Variants in GTPBP1 observed in about 807,000 individuals in gnomAD.
The protein encoded by GTPBP1 is GTP binding protein 1.
Under a neutral mutation model 62.0 loss-of-function variants are expected in GTPBP1, and 23 were observed. That is an observed-to-expected ratio of 0.37 (90% CI 0.27 to 0.53). GTPBP1 has a LOEUF of 0.53. Among genes scored for constraint, GTPBP1 ranks in the 20% least tolerant of loss-of-function variants. The pLI is 0.89. For synonymous variants in GTPBP1, 344 were observed against 364.4 expected (o/e 0.94, Z 0.64); for missense variants, 640 against 917.3 (o/e 0.70, Z 3.90).
At chr22:38,728,417 T>A in intron 10 of GTPBP1, 1 of 475,660 alleles carries the variant, frequency 2.1e-6, no homozygotes, top group Non-Finnish European at 3.9e-6. Flanking sequence ...TGACAGAATG[T>A]CTGGGCCCAG....
downstream of GTPBP1, among the ~76,000 whole-genome samples, chr22:38,737,391 C>T (rs189689030): frequency 2.6e-3 from 403 of 152,264 alleles, 2 homozygotes; most frequent in African/African-American, 9.4e-3. The surrounding 1 kb of genome is among the most constrained non-coding windows in gnomAD (Gnocchi z 4.1). Flanking sequence ...TCACTCCCAA[C>T]GCCCCTCTCC....
chr22:38,742,543 C>G (rs1164716396), downstream of GTPBP1: 1 of 1,611,302 alleles, frequency 6.2e-7, no homozygotes, highest in Admixed American at 1.7e-5. Flanking sequence ...CGGGACATAA[C>G]ACGCTGCTCA....
At chr22:38,738,239 C>T, downstream of GTPBP1, 3 of 1,613,932 alleles carry the variant, frequency 1.9e-6, no homozygotes, top group Admixed American at 1.7e-5. This position sits in a 1 kb window ranked among gnomAD's most constrained non-coding sequence, Gnocchi z 6.6. Context: ...GGAGTGTCCC[C>T]TCCTGCTGCA....
At chr22:38,737,887 GCCTT>G (rs1270065618), downstream of GTPBP1, 1 of 627,628 alleles carries the variant, frequency 1.6e-6, no homozygotes. This position sits in a 1 kb window ranked among gnomAD's most constrained non-coding sequence, Gnocchi z 4.1. Flanking sequence ...GCCTCTCCCG[GCCTT>G]CCTTTCCTGG....
Position 38,726,486 on chromosome 22 carries a change from T to C in GTPBP1, c.1401+46T>C, listed in dbSNP as rs375854489. On this transcript the variant is annotated intron_variant, in intron 8 of 11. Transcript: ENST00000216044. The surrounding 1 kb of genome is among the most constrained non-coding windows in gnomAD (Gnocchi z 4.1). ...ACGCTCCCCTCAGACTCCATCATGC[T>C]AGGCTCTTGGCCAGATGCCCTGCTC... The C allele has an allele frequency of 1.8e-5, 28 of 1,539,326 alleles. 1 individual carries two copies. In the African/African-American group the frequency reaches 3.4e-4, roughly 19 times the overall value.
At chr22:38,738,716 C>A (rs769348599), downstream of GTPBP1, 2 of 1,613,610 alleles carry the variant, frequency 1.2e-6, no homozygotes, top group Non-Finnish European at 8.5e-7. The surrounding 1 kb of genome is among the most constrained non-coding windows in gnomAD (Gnocchi z 6.6). Context: ...AGCCTTGTGG[C>A]CCCTGGAAGG....
Position 38,716,674 on chromosome 22 carries a change from G to A in GTPBP1, c.508G>A (p.Asp170Asn). ...EVRVAVVGNVDAGKSTLLGVL... is the reference protein window; with the variant it reads ...EVRVAVVGNVNAGKSTLLGVL... ...CAGGGTAGCAGTGGTGGGCAACGTGGATGCTGGCAAAAGCACGCTTCTGGG... is the reference window on the plus strand; with the variant it reads ...CAGGGTAGCAGTGGTGGGCAACGTGAATGCTGGCAAAAGCACGCTTCTGGG... Residue 170 changes from aspartate to asparagine, a missense_variant, in exon 4 of 12, where the codon GAT becomes AAT. Asp to Asn is a conservative substitution (Grantham distance 23). Around this residue, in one of 4 missense-constraint regions of GTPBP1, gnomAD observed 88 missense variants for 217.0 expected, o/e 0.41. Coordinates refer to ENST00000216044, the MANE Select transcript of GTPBP1 (RefSeq NM_004286.5). This position sits in a 1 kb window ranked among gnomAD's most constrained non-coding sequence, Gnocchi z 5.2. 1 of 1,613,734 alleles carries A rather than the reference G, an allele frequency of 6.2e-7. No homozygotes were observed. The highest frequency in any genetic ancestry group is 8.5e-7 in the Non-Finnish European group (1 of 1,179,768).
chr22:38,729,932 G>A (rs369602001), intron 11 of GTPBP1, among the ~76,000 whole-genome samples: 24 of 152,340 alleles, frequency 1.6e-4, no homozygotes, highest in African/African-American at 5.8e-4. Flanking sequence ...ACAGAAAAAT[G>A]TCGAAGCTTC....
chr22:38,730,391 C>T lies in GTPBP1; in HGVS notation c.1918-221C>T, dbSNP rs185661288. On this transcript the variant is annotated intron_variant, in intron 11 of 11. Coordinates refer to ENST00000216044, the MANE Select transcript of GTPBP1 (RefSeq NM_004286.5). The surrounding 1 kb of genome is among the most constrained non-coding windows in gnomAD (Gnocchi z 5.6). ...ACACCCTCATCATGTGTGTCCTACC[C>T]ACCCTGTAAGGAAGGCAGGGCAGGC... Among the ~76,000 whole-genome samples, 549 of 152,308 alleles carry T rather than the reference C, an allele frequency of 3.6e-3. 2 individuals carry two copies. The highest frequency in any genetic ancestry group is 0.013 in the African/African-American group (527 of 41,570).
chr22:38,728,541 C>T (rs1005203586), intron 10 of GTPBP1: 4 of 239,060 alleles, frequency 1.7e-5, no homozygotes, highest in Admixed American at 4.6e-5. Context: ...GGGTTATGGG[C>T]GTGAGTTCTC....
chr22:38,728,935 CTGAGGAGACATTCACT>C (rs1217812813), intron 10 of GTPBP1: 3 of 152,800 alleles, frequency 2.0e-5, no homozygotes, highest in African/African-American at 7.2e-5. Context: ...ATGTTTCCAG[CTGAGGAGACATTCACT>C]TGGTCTCTTC....
At chr22:38,723,198 CA>C in intron 5 of GTPBP1, 1 of 994,804 alleles carries the variant, frequency 1.0e-6, no homozygotes, top group Non-Finnish European at 1.6e-6. Flanking sequence ...AGGTGAAATC[CA>C]AAGGATAGAA....
chr22:38,742,169 GAGAA>G, downstream of GTPBP1: 6 of 1,143,322 alleles, frequency 5.2e-6, no homozygotes, highest in South Asian at 6.8e-5. Flanking sequence ...AAGAAAAAAA[GAGAA>G]AGGGAGTAAC....
rs1473039737 is a variant in GTPBP1, at chr22:38,730,093, G to A, written c.1917+431G>A. 6.6e-6 allele frequency among the ~76,000 whole-genome samples: 1 copy of A among 152,134 alleles called. No homozygotes were observed. The highest frequency in any genetic ancestry group is 6.5e-5 in the Admixed American group (1 of 15,276). On this transcript the variant is annotated intron_variant, in intron 11 of 11. Coordinates refer to ENST00000216044, the MANE Select transcript of GTPBP1 (RefSeq NM_004286.5). The surrounding 1 kb of genome is among the most constrained non-coding windows in gnomAD (Gnocchi z 5.6). ...TGACGTGCACACATCCTGAAGGGGA[G>A]GTGGCTTTGGGATGTGCCAGTGCGC...
downstream of GTPBP1, chr22:38,735,058 G>A (rs910513794): frequency 4.8e-5 from 16 of 333,896 alleles, no homozygotes; most frequent in African/African-American, 3.3e-4. Context: ...CACAGAACGG[G>A]GCTAGGAATC....
intron 10 of GTPBP1, chr22:38,729,194 C>T (rs889541983): frequency 8.6e-6 from 3 of 348,336 alleles, no homozygotes; most frequent in Non-Finnish European, 1.6e-5. Flanking sequence ...CAGCAGAGAA[C>T]AGGATGGAGC....
downstream of GTPBP1, chr22:38,738,460 G>C (rs2092826300): frequency 2.3e-6 from 3 of 1,329,014 alleles, no homozygotes; most frequent in South Asian, 4.0e-5. The surrounding 1 kb of genome is among the most constrained non-coding windows in gnomAD (Gnocchi z 6.6). Flanking sequence ...TCCCACCCTA[G>C]CTCCTCCTCT....
intron 4 of GTPBP1, among the ~76,000 whole-genome samples, chr22:38,719,292 C>T (rs1303194948): frequency 2.0e-5 from 3 of 152,128 alleles, no homozygotes; most frequent in African/African-American, 4.8e-5. Context: ...TAGGCGTGAG[C>T]CACCGTACCC....
chr22:38,729,815 T>C lies in GTPBP1; in HGVS notation c.1917+153T>C, dbSNP rs150030091. On this transcript the variant is annotated intron_variant, in intron 11 of 11. Coordinates refer to ENST00000216044, the MANE Select transcript of GTPBP1 (RefSeq NM_004286.5). Reference sequence around the variant, plus strand: ...GAAGTGCTCCTAAGAATGAGGCATTTGTCTCTAGAAGCTATAAGGCAGTGC... The same window carrying C: ...GAAGTGCTCCTAAGAATGAGGCATTCGTCTCTAGAAGCTATAAGGCAGTGC... Among the ~76,000 whole-genome samples the C allele has an allele frequency of 6.3e-3, 965 of 152,336 alleles. 19 individuals are homozygous for C. Among genetic ancestry groups the C allele is most frequent in the Admixed American group, 0.05 (758 of 15,304 alleles).
Sources: gnomAD v4.1 joint callset for allele counts (sites outside exome capture counted in the v4.1 genomes callset) on GRCh38, gnomAD v4.1.1 for gene constraint, gnomAD v4.1.1 regional missense constraint, Gnocchi (gnomAD v3.1) non-coding constraint, MANE v1.5 for transcripts, NCBI Gene and HGNC (gene_info 2026-07-23, HGNC 2026-07-21) for gene names.